RAB3GAP1: variants seen among roughly 807,000 people sequenced by gnomAD.
The protein encoded by RAB3GAP1 is rab3 GTPase-activating protein catalytic subunit.
In RAB3GAP1, 86 loss-of-function variants were observed where a neutral mutation model predicts 130.7. The observed-to-expected ratio is 0.66, with a 90% CI of 0.55 to 0.79. The LOEUF is 0.79. RAB3GAP1 is among the 30% of genes least tolerant of loss of function. The pLI is 0.00. For missense variants in RAB3GAP1, 1,029 were observed against 1,169.4 expected (o/e 0.88, Z 1.75); for synonymous variants, 367 against 401.7 (o/e 0.91, Z 1.03).
intron 5 of RAB3GAP1, among the ~76,000 whole-genome samples, chr2:135,109,738 C>T (rs1211676412): frequency 2.0e-5 from 3 of 151,882 alleles, no homozygotes; most frequent in East Asian, 1.9e-4. Context: ...CCCACCACCA[C>T]GCCCAGCTAA....
intron 3 of RAB3GAP1, among the ~76,000 whole-genome samples, chr2:135,076,412 A>G (rs546214482): frequency 2.6e-5 from 4 of 152,102 alleles, no homozygotes; most frequent in Admixed American, 6.6e-5. Flanking sequence ...GACTAAAACT[A>G]TCTCATTTTT....
intron 7 of RAB3GAP1, among the ~76,000 whole-genome samples, chr2:135,118,144 C>A (rs1468064987): frequency 1.3e-5 from 2 of 152,284 alleles, no homozygotes; most frequent in East Asian, 3.9e-4. Flanking sequence ...CGCGCTGGGC[C>A]TTAGTCCTTC....
At chr2:135,054,890 C>T (rs1688968557) in intron 2 of RAB3GAP1, among the ~76,000 whole-genome samples, 1 of 152,080 alleles carries the variant, frequency 6.6e-6, no homozygotes, top group African/African-American at 2.4e-5. Flanking sequence ...AAGTCTCAAA[C>T]CTTGAGTTTA....
intron 17 of RAB3GAP1, among the ~76,000 whole-genome samples, chr2:135,144,977 T>G (rs1423144633): frequency 6.6e-6 from 1 of 152,228 alleles, no homozygotes; most frequent in Admixed American, 6.5e-5. Flanking sequence ...TTTTAGAAAA[T>G]GTGCTATTGT....
Position 135,133,791 on chromosome 2 carries a change from G to A in RAB3GAP1, c.1327-70G>A, listed in dbSNP as rs569270438. 5 of 1,379,140 alleles carry A rather than the reference G, an allele frequency of 3.6e-6. No homozygotes were observed. In the Admixed American group the frequency reaches 5.1e-5, roughly 14 times the overall value. The allele number at this position is 1,379,140 out of a possible 1,614,324, so 85.4% of individuals were successfully genotyped here. ...TTTTACAATTAAAATCTCTCCCTAC[G>A]ACCTTTTCAGTTATATGTGTAAAAT... is the stretch of plus-strand genomic sequence containing the variant. On this transcript the variant is annotated intron_variant, in intron 14 of 23. Coordinates refer to ENST00000264158, the MANE Select transcript of RAB3GAP1 (RefSeq NM_012233.3).
intron 19 of RAB3GAP1, among the ~76,000 whole-genome samples, chr2:135,157,401 C>T (rs937372807): frequency 2.6e-5 from 4 of 152,148 alleles, no homozygotes; most frequent in Admixed American, 2.6e-4. Context: ...ATTAATCCAG[C>T]TGTATTTTAA....
Position 135,113,225 on chromosome 2 carries a change from A to C in RAB3GAP1, c.437A>C (p.Asn146Thr), listed in dbSNP as rs767582036. The change falls in exon 6 of 24, where the codon AAC becomes ACC. Residue 146 changes from asparagine to threonine, a missense_variant. Physicochemically the swap from Asn to Thr is moderately conservative, Grantham distance 65 (BLOSUM62 0). Around this residue, in one of 3 missense-constraint regions of RAB3GAP1, gnomAD observed 510 missense variants for 532.1 expected, o/e 0.96. Coordinates refer to ENST00000264158, the MANE Select transcript of RAB3GAP1 (RefSeq NM_012233.3). ...GCTGTTCTCAGCGAATCTAAGTGCA[A>C]CCTTCTTCTGAGTTCTGTTTCTATT... ...SDAVLSESKC[N>T]LLLSSVSIAL... The C allele has an allele frequency of 1.9e-6, 3 of 1,614,164 alleles. No individual in the cohort carries two copies. Among genetic ancestry groups the C allele is most frequent in the East Asian group, 4.5e-5 (2 of 44,880 alleles).
chr2:135,057,274 A>G (rs555901834), intron 2 of RAB3GAP1, among the ~76,000 whole-genome samples: 40 of 152,278 alleles, frequency 2.6e-4, no homozygotes, highest in Admixed American at 6.5e-4. Flanking sequence ...CAAGTTACCA[A>G]ATAATATTTT....
chr2:135,106,299 G>T (rs570699378), intron 5 of RAB3GAP1, among the ~76,000 whole-genome samples: 1 of 152,372 alleles, frequency 6.6e-6, no homozygotes, highest in South Asian at 2.1e-4. Flanking sequence ...GACAATGGCG[G>T]TTTTGTCGAA....
chr2:135,142,887 T>C (rs543472444), intron 17 of RAB3GAP1, among the ~76,000 whole-genome samples: 10 of 136,480 alleles, frequency 7.3e-5, no homozygotes, highest in African/African-American at 3.1e-4. Context: ...CTGGAGTTTA[T>C]TTTTTTTTTT....
intron 3 of RAB3GAP1, among the ~76,000 whole-genome samples, chr2:135,068,305 T>TA (rs1056194732): frequency 6.6e-6 from 1 of 152,150 alleles, no homozygotes; most frequent in Non-Finnish European, 1.5e-5. Context: ...CTTTTATATA[T>TA]TTTTAATGAT....
intron 14 of RAB3GAP1, 86 bp downstream of exon 14, chr2:135,133,070 C>G (rs1019057881): frequency 2.0e-5 from 17 of 848,380 alleles, no homozygotes; most frequent in Non-Finnish European, 2.9e-5. Flanking sequence ...TAATAGCTTA[C>G]TATATTTTTA....
chr2:135,069,128 A>G (rs1689400871), intron 3 of RAB3GAP1, among the ~76,000 whole-genome samples: 1 of 152,224 alleles, frequency 6.6e-6, no homozygotes, highest in South Asian at 2.1e-4. Context: ...CATTTATTAC[A>G]TACACAACAC....
intron 5 of RAB3GAP1, among the ~76,000 whole-genome samples, chr2:135,109,284 A>G (rs1369928490): frequency 6.6e-6 from 1 of 152,048 alleles, no homozygotes; most frequent in Non-Finnish European, 1.5e-5. Context: ...TATCTTGATA[A>G]TATTATCTTC....
At chr2:135,079,009 A>G (rs1320390075) in intron 3 of RAB3GAP1, among the ~76,000 whole-genome samples, 1 of 152,124 alleles carries the variant, frequency 6.6e-6, no homozygotes, top group Non-Finnish European at 1.5e-5. Context: ...CTGGGATTAC[A>G]GGCACACGCC....
chr2:135,164,567 C>G (rs368131376), intron 22 of RAB3GAP1, 27 bp from the exon 23 acceptor site: 138 of 1,564,854 alleles, frequency 8.8e-5, no homozygotes, highest in Non-Finnish European at 1.2e-4. Flanking sequence ...ACTTTCCACC[C>G]TTTCATTGCC....
At chr2:135,165,129 G>A in intron 23 of RAB3GAP1, 1 of 456,162 alleles carries the variant, frequency 2.2e-6, no homozygotes, top group Non-Finnish European at 4.4e-6. Flanking sequence ...TCTTGTAATG[G>A]TGAGGAGATC....
chr2:135,083,986 T>C (rs1689905275), intron 3 of RAB3GAP1, among the ~76,000 whole-genome samples: 1 of 152,098 alleles, frequency 6.6e-6, no homozygotes, highest in South Asian at 2.1e-4. Flanking sequence ...GGCTCATGTC[T>C]GTAATCCCAG....
chr2:135,082,054 A>G (rs1031650250), intron 3 of RAB3GAP1, among the ~76,000 whole-genome samples: 1 of 151,998 alleles, frequency 6.6e-6, no homozygotes, highest in Admixed American at 6.6e-5. Context: ...AGGTGGGAGA[A>G]CCGCTTGAAC....
Sources: allele counts gnomAD v4.1 joint callset (sites outside exome capture counted in the v4.1 genomes callset), GRCh38; gene constraint gnomAD v4.1.1; regional missense constraint gnomAD v4.1.1; transcripts MANE v1.5; gene names NCBI Gene and HGNC (gene_info 2026-07-23, HGNC 2026-07-21).